The following OGDH variants were observed in gnomAD, a reference collection of about 807,000 sequenced individuals.
The protein encoded by OGDH is oxoglutarate dehydrogenase, also known as 2-oxoglutarate dehydrogenase complex component E1.
OGDH carries 38 observed loss-of-function variants against 116.6 expected under a neutral mutation model. The observed-to-expected ratio is 0.33, with a 90% CI of 0.25 to 0.43. The LOEUF (loss-of-function observed/expected upper bound fraction) is 0.43. OGDH is among the 20% of genes least tolerant of loss of function. The probability of loss-of-function intolerance (pLI) is 1.00; values close to 1 mark genes in which losing one functional copy is unlikely to be tolerated. For missense variants in OGDH, 825 were observed against 1,357.2 expected (o/e 0.61, Z 6.16); for synonymous variants, 488 against 533.3 (o/e 0.92, Z 1.17).
rs543165374 is a variant in OGDH at position 44,624,310 on chromosome 7, T to G, written c.-27-7T>G. The G allele has an allele frequency of 5.4e-6, 6 of 1,102,574 alleles. No homozygotes were observed. Among genetic ancestry groups the G allele is most frequent in the African/African-American group, 2.2e-5 (1 of 44,830 alleles). The allele number at this position is 1,102,574 out of a possible 1,614,324, so 68.3% of individuals were successfully genotyped here. On this transcript the variant is annotated splice_region_variant and splice_polypyrimidine_tract_variant and intron_variant, in intron 1 of 22. Transcript: ENST00000222673. ...TTTCTTGTTTTTTTTTTTTTTTTTT[T>G]GTACAGGCAGTTGTGAAAAACTTCA... is the stretch of plus-strand genomic sequence containing the variant.
At chr7:44,653,594 T>C (rs1353840043) in intron 4 of OGDH, among the ~76,000 whole-genome samples, 2 of 152,200 alleles carry the variant, frequency 1.3e-5, no homozygotes, top group Non-Finnish European at 2.9e-5. Context: ...TGGCACGATC[T>C]CGACTCACTG....
chr7:44,644,567 A>G (rs559223541), intron 2 of OGDH, among the ~76,000 whole-genome samples: 1 of 152,364 alleles, frequency 6.6e-6, no homozygotes, highest in East Asian at 1.9e-4. Flanking sequence ...ATGAGAAAAC[A>G]GCACAGAAAG....
chr7:44,616,865 A>ACACT (rs1243027659), intron 1 of OGDH, among the ~76,000 whole-genome samples: 1,802 of 85,344 alleles, frequency 0.021, 51 homozygotes, highest in African/African-American at 0.071. Flanking sequence ...ATACACATAT[A>ACACT]TATATACGTA....
chr7:44,696,860 G>A (rs961238374), intron 14 of OGDH, 54 bp from the exon 15 acceptor site: 33 of 1,543,698 alleles, frequency 2.1e-5, no homozygotes, highest in Non-Finnish European at 2.6e-5. Flanking sequence ...GAGAAGCAAG[G>A]CAGGCATGTG....
chr7:44,661,648 A>G (rs1007355464), intron 4 of OGDH, among the ~76,000 whole-genome samples: 25 of 151,812 alleles, frequency 1.6e-4, no homozygotes, highest in African/African-American at 6.1e-4. Context: ...CACCCAGGCT[A>G]GAGTGGTGCA....
intron 1 of OGDH, among the ~76,000 whole-genome samples, chr7:44,611,597 G>C (rs1242454384): frequency 6.6e-6 from 1 of 151,544 alleles, no homozygotes; most frequent in African/African-American, 2.4e-5. Context: ...TTTTTTGTAG[G>C]GACGGGTTTT....
intron 4 of OGDH, among the ~76,000 whole-genome samples, chr7:44,663,594 C>A (rs1415114931): frequency 6.6e-6 from 1 of 152,170 alleles, no homozygotes; most frequent in Non-Finnish European, 1.5e-5. Flanking sequence ...CATGGTGAAA[C>A]CCCGTCGCTA....
chr7:44,680,539 TACACACAC>T lies in OGDH; in HGVS notation c.1207-1153_1207-1146del, dbSNP rs56718274. 9.2e-4 allele frequency among the ~76,000 whole-genome samples: 134 copies of T among 145,932 alleles called. 1 individual carries two copies. Among genetic ancestry groups the T allele is most frequent in the East Asian group, 6.8e-3 (34 of 4,982 alleles). On this transcript the variant is annotated intron_variant, in intron 9 of 22. Coordinates refer to ENST00000222673, the MANE Select transcript of OGDH (RefSeq NM_002541.4). ...AATACAAACTCATAGTTTTATTGCA[TACACACAC>T]ACACACACACACACACACACACACA... is the stretch of plus-strand genomic sequence containing the variant.
In OGDH at chr7:44,647,177, A is replaced by G. The variant is rs183398613; in HGVS notation, c.415-480A>G. On this transcript the variant is annotated intron_variant, in intron 3 of 22. Coordinates refer to ENST00000222673, the MANE Select transcript of OGDH (RefSeq NM_002541.4). ...TATCTCATTTCTGTTTATCCATGGA[A>G]ACTGTATAAAGATCACAAGAAATGG... Among the ~76,000 whole-genome samples, 353 of 152,382 alleles carry G rather than the reference A, an allele frequency of 2.3e-3. 3 individuals carry two copies. The highest frequency in any genetic ancestry group is 6.0e-4 in the Non-Finnish European group (41 of 68,040).
intron 10 of OGDH, among the ~76,000 whole-genome samples, chr7:44,692,501 A>C (rs1483562528): frequency 6.6e-6 from 1 of 152,246 alleles, no homozygotes; most frequent in African/African-American, 2.4e-5. Flanking sequence ...TTTAAGGGTA[A>C]GGAGGCCTGC....
At chr7:44,701,674 T>A in intron 20 of OGDH, 59 bp downstream of exon 20, 1 of 1,480,584 alleles carries the variant, frequency 6.8e-7, no homozygotes, top group Non-Finnish European at 9.4e-7. Flanking sequence ...GCTTCTTTGC[T>A]GCTGCTCTTT....
At chr7:44,612,215 T>G (rs180720286) in intron 1 of OGDH, among the ~76,000 whole-genome samples, 5 of 152,340 alleles carry the variant, frequency 3.3e-5, no homozygotes, top group Admixed American at 3.3e-4. Context: ...GCTGTACTTG[T>G]GTGACTCTGT....
In OGDH at chr7:44,693,959, G is replaced by A. The variant is rs759768044; in HGVS notation, c.1470G>A (p.Ala490=). 6.2e-6 allele frequency: 10 copies of A among 1,613,894 alleles called. No homozygotes were observed. The East Asian group carries it at 6.7e-5, about 11-fold the overall frequency. The change falls in exon 11 of 23, where the codon GCG becomes GCA. Residue 490 remains alanine (A), a synonymous_variant. Coordinates refer to ENST00000222673, the MANE Select transcript of OGDH (RefSeq NM_002541.4). ...PEAVMYVCKV[A]AEWRSTFHKD... ...CTGTCATGTACGTGTGCAAAGTGGCGGCCGAGTGGAGGAGCACCTTCCACA... is the reference window on the plus strand; with the variant it reads ...CTGTCATGTACGTGTGCAAAGTGGCAGCCGAGTGGAGGAGCACCTTCCACA...
Position 44,703,417 on chromosome 7 carries a change from C to CA in OGDH, c.2632+1806dup, listed in dbSNP as rs111798006. 3.2e-4 allele frequency among the ~76,000 whole-genome samples: 47 copies of CA among 148,574 alleles called. 1 individual carries two copies. The highest frequency in any genetic ancestry group is 2.6e-3 in the South Asian group (12 of 4,696). On this transcript the variant is annotated intron_variant, in intron 20 of 22. Coordinates refer to ENST00000222673, the MANE Select transcript of OGDH (RefSeq NM_002541.4). ...AGTAGGACTCCATCTCAAAACAAAA[C>CA]AAAACAAAAAAGACTGAATAGGCTG...
Position 44,696,947 on chromosome 7 carries a change from T to C in OGDH, c.1934T>C (p.Met645Thr). The change falls in exon 15 of 23, where the codon ATG (methionine) becomes ACG (threonine). Residue 645 changes from methionine (M) to threonine (T), a missense_variant. By Grantham distance (81) the Met-to-Thr change is moderately conservative. This residue lies in a region of OGDH where 92 missense variants were observed against 129.7 expected (regional missense o/e 0.71). Coordinates refer to ENST00000222673, the MANE Select transcript of OGDH (RefSeq NM_002541.4). ...CGGATCTTGAAGACTCGTGGGGAAA[T>C]GGTGAAGAACCGGACTGTGGACTGG... ...LSRILKTRGE[M>T]VKNRTVDWAL... 1 of 1,613,744 alleles carries C rather than the reference T, an allele frequency of 6.2e-7. No individual in the cohort carries two copies. The highest frequency in any genetic ancestry group is 8.5e-7 in the Non-Finnish European group (1 of 1,179,744).
chr7:44,655,984 G>GTT (rs1786673473), intron 4 of OGDH, among the ~76,000 whole-genome samples: 1 of 152,156 alleles, frequency 6.6e-6, no homozygotes, highest in Non-Finnish European at 1.5e-5. Context: ...GGAAAGTGCT[G>GTT]TTATCCGCCA....
chr7:44,671,683 G>A (rs377289190), intron 5 of OGDH, among the ~76,000 whole-genome samples: 7 of 150,022 alleles, frequency 4.7e-5, no homozygotes, highest in South Asian at 2.1e-4. Flanking sequence ...CAGGAGAATC[G>A]CTTGAACCCG....
At chr7:44,673,288 C>T (rs1279250351) in intron 5 of OGDH, among the ~76,000 whole-genome samples, 4 of 152,002 alleles carry the variant, frequency 2.6e-5, no homozygotes, top group African/African-American at 7.3e-5. Flanking sequence ...ACTGCACTCC[C>T]GCCTCGATGA....
At chr7:44,638,591 C>G (rs1473121043) in intron 2 of OGDH, among the ~76,000 whole-genome samples, 2 of 152,156 alleles carry the variant, frequency 1.3e-5, no homozygotes, top group African/African-American at 4.8e-5. Context: ...GACATCCAGG[C>G]AACAGCAAGG....
Sources: allele counts gnomAD v4.1 joint callset (sites outside exome capture counted in the v4.1 genomes callset), GRCh38; gene constraint gnomAD v4.1.1; regional missense constraint gnomAD v4.1.1; transcripts MANE v1.5; gene names NCBI Gene and HGNC (gene_info 2026-07-23, HGNC 2026-07-21).